The following TCTN2 variants were observed in gnomAD, a reference collection of about 807,000 sequenced individuals.
The protein encoded by TCTN2 is tectonic-2.
A neutral mutation model predicts 83.4 loss-of-function variants in TCTN2; 66 were observed. The observed-to-expected ratio is 0.79, with a 90% CI of 0.65 to 0.97. TCTN2 has a LOEUF of 0.97. Among genes scored for constraint, TCTN2 ranks in the 50% least tolerant of loss-of-function variants. TCTN2 has a pLI of 0.00. For missense variants in TCTN2, 794 were observed against 858.1 expected (o/e 0.93, Z 0.93); for synonymous variants, 301 against 326.7 (o/e 0.92, Z 0.85).
At chr12:123,679,986 G>A (rs1352889048) in intron 5 of TCTN2, among the ~76,000 whole-genome samples, 3 of 150,878 alleles carry the variant, frequency 2.0e-5, no homozygotes, top group African/African-American at 4.9e-5. Context: ...TGATCCGCCC[G>A]CCTCGGCCTC....
chr12:123,673,342 T>C (rs1955779139), intron 3 of TCTN2, among the ~76,000 whole-genome samples: 1 of 152,188 alleles, frequency 6.6e-6, no homozygotes, highest in African/African-American at 2.4e-5. Context: ...TAAAAAGGTG[T>C]ACAATAAACT....
At chr12:123,678,570 G>A (rs1593836802) in intron 4 of TCTN2, among the ~76,000 whole-genome samples, 1 of 152,036 alleles carries the variant, frequency 6.6e-6, no homozygotes. Context: ...TTACAGGTGT[G>A]AGCCACCCCG....
chr12:123,686,221 A>G (rs1955965206), intron 5 of TCTN2, among the ~76,000 whole-genome samples: 1 of 151,760 alleles, frequency 6.6e-6, no homozygotes, highest in South Asian at 2.1e-4. Flanking sequence ...TAATTTTTGT[A>G]TTTTTAGTAA....
intron 4 of TCTN2, among the ~76,000 whole-genome samples, chr12:123,677,765 T>G (rs1955841925): frequency 6.6e-6 from 1 of 152,086 alleles, no homozygotes; most frequent in African/African-American, 2.4e-5. Flanking sequence ...CCTACAGCTC[T>G]CCAGTAGCCC....
intron 6 of TCTN2, among the ~76,000 whole-genome samples, chr12:123,687,377 G>T (rs1268377580): frequency 1.3e-5 from 2 of 152,208 alleles, no homozygotes; most frequent in African/African-American, 2.4e-5. Flanking sequence ...TAAAAAGTAG[G>T]CCGGGAGCGG....
chr12:123,697,124 C>T lies in TCTN2; in HGVS notation c.1431C>T (p.Pro477=). The change falls in exon 13 of 18, where the codon CCC becomes CCT. Residue 477 remains proline, a synonymous_variant. Transcript: ENST00000303372. Reference sequence around the variant, plus strand: ...TGTGTACATCAGCAACTTTCAAACCCATTTTATTTGGAGAAAATGTACTCT... The same window carrying T: ...TGTGTACATCAGCAACTTTCAAACCTATTTTATTTGGAGAAAATGTACTCT... ...RGLCTSATFK[P]ILFGENVLSG... The T allele has an allele frequency of 6.2e-7, 1 of 1,614,026 alleles. No individual in the cohort carries two copies. Among genetic ancestry groups the T allele is most frequent in the Non-Finnish European group, 8.5e-7 (1 of 1,179,976 alleles).
At chr12:123,689,651 C>CT (rs1956018360) in intron 7 of TCTN2, among the ~76,000 whole-genome samples, 1 of 152,144 alleles carries the variant, frequency 6.6e-6, no homozygotes, top group African/African-American at 2.4e-5. Context: ...TTCTGATCCT[C>CT]TCCCTCCTCC....
At chr12:123,699,611 G>T in intron 13 of TCTN2, 93 bp from the exon 14 acceptor site, 1 of 1,045,452 alleles carries the variant, frequency 9.6e-7, no homozygotes, top group South Asian at 1.3e-5. Context: ...TTTTAATTTA[G>T]GCACTCGGAA....
At chr12:123,699,951 G>C (rs1310978373) in intron 14 of TCTN2, 141 bp downstream of exon 14, 13 of 728,294 alleles carry the variant, frequency 1.8e-5, no homozygotes, top group African/African-American at 5.2e-5. Flanking sequence ...CCAGGGGTTA[G>C]ATCTCCAGGC....
chr12:123,696,481 A>C lies in TCTN2; in HGVS notation c.1379A>C (p.His460Pro), dbSNP rs770515038. Reference protein sequence around the residue: ...INRMNNVTTLHLWQSAGRGLC... With the variant: ...INRMNNVTTLPLWQSAGRGLC... ...AGGATGAATAATGTCACGACTTTACATCTTTGGCAATCGGGTAATCCGGTT... is the reference window on the plus strand; with the variant it reads ...AGGATGAATAATGTCACGACTTTACCTCTTTGGCAATCGGGTAATCCGGTT... The change falls in exon 12 of 18, where the codon CAT (histidine) becomes CCT (proline). Residue 460 changes from histidine to proline, a missense_variant. Transcript: ENST00000303372. 30 of 1,614,106 alleles carry C rather than the reference A, an allele frequency of 1.9e-5. No individual in the cohort carries two copies. The highest frequency in any genetic ancestry group is 2.2e-5 in the East Asian group (1 of 44,882).
intron 12 of TCTN2, chr12:123,696,812 C>T (rs1386305731): frequency 7.6e-6 from 4 of 528,492 alleles, no homozygotes; most frequent in African/African-American, 1.9e-5. Flanking sequence ...AAAATAACTT[C>T]GTTCTGAACT....
rs1956118929 is a variant in TCTN2 at position 123,697,145 on chromosome 12, A to G, written c.1452A>G (p.Val484=). The G allele has an allele frequency of 6.2e-7, 1 of 1,613,940 alleles. No homozygotes were observed. Among genetic ancestry groups the G allele is most frequent in the Admixed American group, 1.7e-5 (1 of 59,978 alleles). The change falls in exon 13 of 18, where the codon GTA becomes GTG. Residue 484 remains valine (V), a synonymous_variant. Transcript: ENST00000303372. ...AACCCATTTTATTTGGAGAAAATGT[A>G]CTCTCTGGATGCCTGTTAGAAGTCG... The part of the protein sequence containing the change: ...TFKPILFGEN[V]LSGCLLEVGI...
At chr12:123,678,452 T>C (rs1955851860) in intron 4 of TCTN2, among the ~76,000 whole-genome samples, 1 of 152,222 alleles carries the variant, frequency 6.6e-6, no homozygotes, top group Non-Finnish European at 1.5e-5. Flanking sequence ...TAGCCTGGGC[T>C]ACTTTTTGTA....
intron 4 of TCTN2, among the ~76,000 whole-genome samples, chr12:123,676,623 T>C (rs1955826466): frequency 6.7e-6 from 1 of 148,344 alleles, no homozygotes; most frequent in Admixed American, 6.7e-5. Flanking sequence ...TTAGGTAATA[T>C]TTAATATTTT....
Position 123,706,827 on chromosome 12 carries a change from C to G in TCTN2, c.1871C>G (p.Ala624Gly). The change falls in exon 16 of 18, where the codon GCA becomes GGA. Residue 624 changes from alanine (A) to glycine (G), a missense_variant. Coordinates refer to ENST00000303372, the MANE Select transcript of TCTN2 (RefSeq NM_024809.5). ...SASVQFIKIP[A>G]QLPHPLTRFQ... is the part of the protein sequence containing the mutation. ...TCCGTCCAGTTTATTAAAATTCCTGCACAGTTACCCCACCCCCTGACAAGG... is the reference window on the plus strand; with the variant it reads ...TCCGTCCAGTTTATTAAAATTCCTGGACAGTTACCCCACCCCCTGACAAGG... The G allele has an allele frequency of 1.2e-6, 2 of 1,614,148 alleles. No individual in the cohort carries two copies. The highest frequency in any genetic ancestry group is 1.7e-6 in the Non-Finnish European group (2 of 1,180,022).
chr12:123,687,933 C>T (rs1356615761), intron 6 of TCTN2, 118 bp from the exon 7 acceptor site: 1 of 1,422,304 alleles, frequency 7.0e-7, no homozygotes, highest in Non-Finnish European at 9.7e-7. Flanking sequence ...CACTGCACTC[C>T]AGCCTGGGTG....
chr12:123,704,324 A>G (rs1180167553), intron 14 of TCTN2, among the ~76,000 whole-genome samples: 1 of 152,122 alleles, frequency 6.6e-6, no homozygotes, highest in Non-Finnish European at 1.5e-5. Context: ...AACATTTTAA[A>G]CACAATTTTT....
At chr12:123,688,334 G>C (rs1956001739) in intron 7 of TCTN2, among the ~76,000 whole-genome samples, 157 bp downstream of exon 7, 2 of 151,430 alleles carry the variant, frequency 1.3e-5, no homozygotes, top group Admixed American at 1.3e-4. Flanking sequence ...TCCTGCCTCA[G>C]CCTCCCCAGT....
At position 123,707,717 on chromosome 12, in the gene TCTN2, A is replaced by G. The variant is rs1956247896; in HGVS notation, c.*4A>G. ...AATATGCAAAGCCTATAGTTAGACA[A>G]CCACCTGGCTTTTATTTTTTTGAGA... On this transcript the variant is annotated 3_prime_UTR_variant, in exon 18 of 18. Coordinates refer to ENST00000303372, the MANE Select transcript of TCTN2 (RefSeq NM_024809.5). 6.2e-7 allele frequency: 1 copy of G among 1,611,128 alleles called. No homozygotes were observed. The highest frequency in any genetic ancestry group is 8.5e-7 in the Non-Finnish European group (1 of 1,177,548).
Sources: allele counts gnomAD v4.1 joint callset (sites outside exome capture counted in the v4.1 genomes callset), GRCh38; gene constraint gnomAD v4.1.1; transcripts MANE v1.5; gene names NCBI Gene and HGNC (gene_info 2026-07-23, HGNC 2026-07-21).